Variants in ARHGEF38 observed in about 807,000 individuals in gnomAD.
The protein encoded by ARHGEF38 is Rho guanine nucleotide exchange factor 38, also known as Rho guanine nucleotide exchange factor (GEF) 38.
In ARHGEF38, 79 loss-of-function variants were observed where a neutral mutation model predicts 79.9. The observed-to-expected ratio is 0.99, with a 90% CI of 0.82 to 1.19. The LOEUF (loss-of-function observed/expected upper bound fraction) is 1.19, where lower values mean the gene tolerates loss of function less well. ARHGEF38 is among the 50% of genes most tolerant of loss of function. ARHGEF38 has a pLI of 0.00. For synonymous variants in ARHGEF38, 366 were observed against 328.3 expected (o/e 1.11, Z -1.24); for missense variants, 962 against 907.2 (o/e 1.06, Z -0.78).
chr4:105,576,793 G>T (rs1263516943), intron 1 of ARHGEF38, among the ~76,000 whole-genome samples: 1 of 151,966 alleles, frequency 6.6e-6, no homozygotes, highest in East Asian at 1.9e-4. Context: ...TCAGTGTGAT[G>T]TTGGGGTTTG....
intron 3 of ARHGEF38, among the ~76,000 whole-genome samples, chr4:105,621,862 G>T (rs1728747321): frequency 6.6e-6 from 1 of 152,192 alleles, no homozygotes; most frequent in South Asian, 2.1e-4. Context: ...CAGTGCGGAG[G>T]TTTGGGGGAC....
At chr4:105,589,217 T>A in intron 1 of ARHGEF38, 31 bp from the exon 2 acceptor site, 1 of 1,562,758 alleles carries the variant, frequency 6.4e-7, no homozygotes, top group Non-Finnish European at 8.6e-7. Context: ...CTCAGCAGAA[T>A]GCCTCACCTG....
At position 105,679,915 on chromosome 4, in the gene ARHGEF38, T is replaced by C; in HGVS notation, c.*1978T>C. ...GAGCCACATTGGTTGCCACCAAAAC[T>C]TTATAATTACCTCTCTGAAGCCTTT... is the stretch of plus-strand genomic sequence containing the variant. On this transcript the variant is annotated 3_prime_UTR_variant, in exon 14 of 14. Transcript: ENST00000420470. 1 of 1,408,810 alleles carries C rather than the reference T, an allele frequency of 7.1e-7. No individual in the cohort carries two copies. The highest frequency in any genetic ancestry group is 1.0e-6 in the Non-Finnish European group (1 of 997,696). The allele number at this position is 1,408,810 out of a possible 1,614,324, so 87.3% of individuals were successfully genotyped here.
chr4:105,648,813 TGTCTCCC>T, intron 7 of ARHGEF38, 131 bp downstream of exon 7: 1 of 849,630 alleles, frequency 1.2e-6, no homozygotes, highest in Non-Finnish European at 1.7e-6. Flanking sequence ...GCTGTTCTCT[TGTCTCCC>T]TCTCTCTCTC....
At chr4:105,655,046 G>T (rs1483517243) in intron 8 of ARHGEF38, among the ~76,000 whole-genome samples, 2 of 152,000 alleles carry the variant, frequency 1.3e-5, no homozygotes, top group East Asian at 3.9e-4. Context: ...TTTACAATCC[G>T]GTTTGCTATT....
chr4:105,654,255 G>T, intron 8 of ARHGEF38, 86 bp downstream of exon 8: 3 of 770,184 alleles, frequency 3.9e-6, no homozygotes, highest in Non-Finnish European at 5.8e-6. Flanking sequence ...AAGAGTAAAT[G>T]TGACTGTTCC....
chr4:105,556,410 G>T (rs1725252708), intron 1 of ARHGEF38, among the ~76,000 whole-genome samples: 1 of 152,080 alleles, frequency 6.6e-6, no homozygotes, highest in Admixed American at 6.6e-5. Flanking sequence ...TAGAAGTGGA[G>T]GTAGGATCAG....
chr4:105,594,963 G>C (rs1361572547), intron 2 of ARHGEF38, among the ~76,000 whole-genome samples: 2 of 152,122 alleles, frequency 1.3e-5, no homozygotes, highest in Non-Finnish European at 2.9e-5. Context: ...TATGTTTTTG[G>C]CTATAAGTCA....
rs1477815778 is a variant in ARHGEF38, at chr4:105,678,790, A to G, written c.*853A>G. On this transcript the variant is annotated 3_prime_UTR_variant, in exon 14 of 14. Coordinates refer to ENST00000420470, the MANE Select transcript of ARHGEF38 (RefSeq NM_001242729.2). ...ATCTAAATAGACTTCCCCTTCAGCC[A>G]GGGCTTTTTTCTTTCTTTTCTTGTT... The G allele has an allele frequency of 1.3e-5, 2 of 150,828 alleles. No individual in the cohort carries two copies. Among genetic ancestry groups the G allele is most frequent in the African/African-American group, 2.4e-5 (1 of 41,072 alleles). 9.3% of individuals were successfully genotyped at this position (150,828 alleles called of 1,614,324 possible).
intron 4 of ARHGEF38, among the ~76,000 whole-genome samples, chr4:105,635,934 C>T (rs1729378737): frequency 6.6e-6 from 1 of 152,070 alleles, no homozygotes; most frequent in African/African-American, 2.4e-5. Flanking sequence ...TTGCTTCACA[C>T]ATGTCCCCCA....
At chr4:105,681,782 A>G (rs1731319426), downstream of ARHGEF38, among the ~76,000 whole-genome samples, 1 of 152,212 alleles carries the variant, frequency 6.6e-6, no homozygotes, top group Non-Finnish European at 1.5e-5. Context: ...TGGGTTAACA[A>G]TGTACAAAAC....
intron 1 of ARHGEF38, among the ~76,000 whole-genome samples, chr4:105,555,641 C>G (rs1395052330): frequency 1.3e-5 from 2 of 152,126 alleles, no homozygotes; most frequent in African/African-American, 4.8e-5. Flanking sequence ...TCAAAGAGTG[C>G]TTTCAAATAC....
rs1730447213 is a variant in ARHGEF38, at chr4:105,658,925, T to A, written c.1234-129T>A. The A allele has an allele frequency of 1.3e-5, 10 of 753,648 alleles. No homozygotes were observed. In the South Asian group the frequency reaches 1.9e-4, roughly 15 times the overall value. 46.7% of individuals were successfully genotyped at this position (753,648 alleles called of 1,614,324 possible). A position where few individuals can be genotyped will look rare whatever the true frequency, so the allele number is the denominator to read the frequency against. On this transcript the variant is annotated intron_variant, in intron 9 of 13. Transcript: ENST00000420470. The stretch of plus-strand genomic sequence containing the variant: ...ACAAAATGATCAGATCCTCTTTTAA[T>A]CTGGGTAGGTGCTTTCCTGTTTTCT...
At chr4:105,563,716 C>G (rs1725749742) in intron 1 of ARHGEF38, among the ~76,000 whole-genome samples, 3 of 152,112 alleles carry the variant, frequency 2.0e-5, no homozygotes, top group Admixed American at 2.0e-4. Flanking sequence ...AAGAAATCAA[C>G]TGATTTTAAT....
intron 10 of ARHGEF38, 61 bp downstream of exon 10, chr4:105,659,426 ACCCATACGAAAG>A: frequency 1.4e-6 from 2 of 1,454,514 alleles, no homozygotes; most frequent in Non-Finnish European, 1.8e-6. Flanking sequence ...TAGAAACCAC[ACCCATACGAAAG>A]CCCTGTTCAG....
rs531551335 is a variant in ARHGEF38 at position 105,564,209 on chromosome 4, A to G, written c.196+11248A>G. Among the ~76,000 whole-genome samples, 5 of 152,316 alleles carry G rather than the reference A, an allele frequency of 3.3e-5. No homozygotes were observed. In the South Asian group the frequency reaches 8.3e-4, roughly 25 times the overall value. The stretch of plus-strand genomic sequence containing the variant: ...GAAAAAAATAGGTTTGTTTTTCAGT[A>G]TTGCTCTTTGAAAATATTTATTGTT... On this transcript the variant is annotated intron_variant, in intron 1 of 13. Coordinates refer to ENST00000420470, the MANE Select transcript of ARHGEF38 (RefSeq NM_001242729.2).
chr4:105,587,553 C>T (rs929531329), intron 1 of ARHGEF38, among the ~76,000 whole-genome samples: 10 of 152,148 alleles, frequency 6.6e-5, no homozygotes, highest in South Asian at 2.1e-4. Flanking sequence ...CTCCACCTCC[C>T]GGGTTCATGA....
intron 2 of ARHGEF38, among the ~76,000 whole-genome samples, chr4:105,593,255 G>C (rs377676961): frequency 6.6e-6 from 1 of 152,030 alleles, no homozygotes; most frequent in Non-Finnish European, 1.5e-5. Context: ...TAAAAAACAC[G>C]CCCAGTTGCA....
At chr4:105,567,506 A>G (rs2866792) in intron 1 of ARHGEF38, among the ~76,000 whole-genome samples, 147,867 of 152,298 alleles carry the variant, frequency 0.97, 71,785 homozygotes, top group East Asian at 1. Context: ...GACATAATGA[A>G]GTCAGCTGTT....
Sources: allele counts gnomAD v4.1 joint callset (sites outside exome capture counted in the v4.1 genomes callset), GRCh38; gene constraint gnomAD v4.1.1; transcripts MANE v1.5; gene names NCBI Gene and HGNC (gene_info 2026-07-23, HGNC 2026-07-21).